LIPC: variants seen among roughly 807,000 people sequenced by gnomAD.
LIPC encodes the protein hepatic triacylglycerol lipase.
In LIPC, 44 loss-of-function variants were observed where a neutral mutation model predicts 50.7. The ratio of observed to expected loss-of-function variants is 0.87; its 90% CI spans 0.68 to 1.11. The LOEUF is 1.11. LIPC is among the 50% of genes most tolerant of loss of function. The pLI, the probability that LIPC is intolerant of heterozygous loss-of-function variation, is 0.00. For synonymous variants in LIPC, 271 were observed against 256.4 expected (o/e 1.06, Z -0.54); for missense variants, 697 against 648.2 (o/e 1.08, Z -0.82).
chr15:58,540,463 A>G (rs1210958761), intron 2 of LIPC, among the ~76,000 whole-genome samples: 2 of 152,216 alleles, frequency 1.3e-5, no homozygotes, highest in African/African-American at 4.8e-5. Flanking sequence ...AGAGAAAAAT[A>G]ACTTGCCCAA....
chr15:58,444,866 G>C (rs1411616258), intron 1 of LIPC, among the ~76,000 whole-genome samples: 5 of 152,228 alleles, frequency 3.3e-5, no homozygotes, highest in African/African-American at 1.2e-4. Context: ...TCCTGGGCTT[G>C]GCACTGGGCA....
intron 1 of LIPC, among the ~76,000 whole-genome samples, chr15:58,484,223 A>G (rs751631124): frequency 2.4e-4 from 37 of 152,142 alleles, no homozygotes; most frequent in Non-Finnish European, 4.9e-4. Flanking sequence ...TGCATCATAC[A>G]TTGTTTATTT....
chr15:58,445,730 C>T (rs545231070), intron 1 of LIPC, among the ~76,000 whole-genome samples: 15 of 152,318 alleles, frequency 9.8e-5, no homozygotes, highest in African/African-American at 3.1e-4. Context: ...GAACAAATCA[C>T]TCAAGGCCTG....
intron 1 of LIPC, among the ~76,000 whole-genome samples, chr15:58,451,811 C>T (rs907536078): frequency 8.5e-5 from 13 of 152,192 alleles, no homozygotes; most frequent in African/African-American, 3.1e-4. Context: ...GAGGATGCTC[C>T]TGCCCTGCTC....
At position 58,465,605 on chromosome 15, in the gene LIPC, G is replaced by A. The variant is rs560750045; in HGVS notation, c.88+33485G>A. Among the ~76,000 whole-genome samples the A allele has an allele frequency of 4.7e-5, 7 of 148,466 alleles. 1 individual carries two copies. In the South Asian group the frequency reaches 1.3e-3, roughly 27 times the overall value. On this transcript the variant is annotated intron_variant, in intron 1 of 8. Transcript: ENST00000299022. ...TTACGGGTCAGAACCGTAACATAAC[G>A]GATGGAGTCCCAAGTGAATCCAGGA... is the stretch of plus-strand genomic sequence containing the variant.
intron 1 of LIPC, among the ~76,000 whole-genome samples, chr15:58,448,308 C>A (rs1487539712): frequency 3.3e-5 from 5 of 152,224 alleles, no homozygotes; most frequent in Non-Finnish European, 7.3e-5. Flanking sequence ...TCCCATCAAG[C>A]CAGGTGAAGG....
chr15:58,441,433 C>T (rs1249391202), intron 1 of LIPC, among the ~76,000 whole-genome samples: 1 of 152,194 alleles, frequency 6.6e-6, no homozygotes, highest in Non-Finnish European at 1.5e-5. Context: ...TTTAAAAATT[C>T]ATTCCCACCT....
At chr15:58,442,882 A>T (rs893888961) in intron 1 of LIPC, among the ~76,000 whole-genome samples, 6 of 152,192 alleles carry the variant, frequency 3.9e-5, no homozygotes, top group African/African-American at 1.4e-4. Flanking sequence ...CCACATGGGT[A>T]TCTGAGCCTT....
chr15:58,544,615 C>T (rs1432447929), intron 4 of LIPC, among the ~76,000 whole-genome samples: 1 of 152,038 alleles, frequency 6.6e-6, no homozygotes, highest in Non-Finnish European at 1.5e-5. Context: ...AGGTTGGTCT[C>T]GAACTCCTGA....
At chr15:58,445,979 A>G (rs1176743512) in intron 1 of LIPC, among the ~76,000 whole-genome samples, 1 of 152,244 alleles carries the variant, frequency 6.6e-6, no homozygotes, top group African/African-American at 2.4e-5. Context: ...AACTACAGAA[A>G]GAAGTTTAAA....
chr15:58,451,897 C>A (rs1054422878), intron 1 of LIPC, among the ~76,000 whole-genome samples: 2 of 152,136 alleles, frequency 1.3e-5, no homozygotes, highest in African/African-American at 4.8e-5. Context: ...GCAGAGCAGA[C>A]CTCGTGAGTG....
intron 8 of LIPC, chr15:58,565,057 T>G (rs1351026757): frequency 5.2e-6 from 4 of 773,366 alleles, no homozygotes; most frequent in Non-Finnish European, 8.4e-6. Context: ...CACTGCCAGA[T>G]GCCGGCCTGT....
chr15:58,541,311 G>C (rs972634339), intron 2 of LIPC, among the ~76,000 whole-genome samples: 10 of 152,060 alleles, frequency 6.6e-5, no homozygotes, highest in African/African-American at 2.4e-4. Context: ...AGTCTGCAGG[G>C]CAGAGCCAGT....
At chr15:58,538,582 G>A (rs1253689933) in intron 2 of LIPC, 65 bp downstream of exon 2, 2 of 1,483,402 alleles carry the variant, frequency 1.3e-6, no homozygotes, top group African/African-American at 2.8e-5. Context: ...TTTCTAGCGT[G>A]TTCATGTTCA....
intron 1 of LIPC, among the ~76,000 whole-genome samples, chr15:58,510,277 T>C (rs2140855988): frequency 6.6e-6 from 1 of 152,376 alleles, no homozygotes; most frequent in Middle Eastern, 3.4e-3. Flanking sequence ...TGCTGTGGGC[T>C]AGGGCATGGT....
At chr15:58,562,695 G>A (rs1367510094) in intron 7 of LIPC, among the ~76,000 whole-genome samples, 2 of 152,114 alleles carry the variant, frequency 1.3e-5, no homozygotes, top group East Asian at 1.9e-4. Flanking sequence ...ACCTACCTAA[G>A]GATACAGAGG....
intron 1 of LIPC, among the ~76,000 whole-genome samples, chr15:58,451,761 G>A (rs775286686): frequency 1.3e-4 from 20 of 152,170 alleles, no homozygotes; most frequent in South Asian, 2.1e-4. Flanking sequence ...GAGGATGAGC[G>A]GGAGGCAAGG....
chr15:58,444,938 T>G (rs778738910), intron 1 of LIPC, among the ~76,000 whole-genome samples: 2 of 152,214 alleles, frequency 1.3e-5, no homozygotes, highest in Non-Finnish European at 2.9e-5. Flanking sequence ...TCCGGAAGGC[T>G]TCCGCGTTAG....
intron 2 of LIPC, 44 bp from the exon 3 acceptor site, chr15:58,541,741 G>A (rs1313153010): frequency 2.5e-6 from 4 of 1,586,744 alleles, no homozygotes; most frequent in South Asian, 2.3e-5. Context: ...GGGTGAGCGG[G>A]GAGAAAGGAA....
Sources: gnomAD v4.1 joint callset for allele counts (sites outside exome capture counted in the v4.1 genomes callset) on GRCh38, gnomAD v4.1.1 for gene constraint, MANE v1.5 for transcripts, NCBI Gene and HGNC (gene_info 2026-07-23, HGNC 2026-07-21) for gene names.